The following CDAN1 variants were observed in gnomAD, a reference collection of about 807,000 sequenced individuals.
CDAN1 encodes codanin-1.
CDAN1 carries 107 observed loss-of-function variants against 139.8 expected under a neutral mutation model. The ratio of observed to expected loss-of-function variants is 0.77; its 90% CI spans 0.65 to 0.90. The LOEUF (loss-of-function observed/expected upper bound fraction) is 0.90, where lower values mean the gene tolerates loss of function less well. CDAN1 is among the 40% of genes least tolerant of loss of function. The probability of loss-of-function intolerance (pLI) is 0.00; values close to 1 mark genes in which losing one functional copy is unlikely to be tolerated. For synonymous variants in CDAN1, 776 were observed against 660.6 expected (o/e 1.17, Z -2.68); for missense variants, 1,667 against 1,575.7 (o/e 1.06, Z -0.98).
intron 6 of CDAN1, among the ~76,000 whole-genome samples, 169 bp downstream of exon 6, chr15:42,734,930 CT>C (rs2061667872): frequency 6.6e-6 from 1 of 152,008 alleles, no homozygotes; most frequent in African/African-American, 2.4e-5. Context: ...GATCTCAATT[CT>C]TTCAGGGACT....
At position 42,725,677 on chromosome 15, in the gene CDAN1, A is replaced by T. The variant is rs748488385; in HGVS notation, c.3269-7T>A. ...ATAGGAATTTGATCTGCAACTGTGG[A>T]AAGAGGAAAGCCAAGCTTTAAAAGA... On this transcript the variant is annotated splice_polypyrimidine_tract_variant and splice_region_variant and intron_variant, in intron 25 of 27. Coordinates refer to ENST00000356231, the MANE Select transcript of CDAN1 (RefSeq NM_138477.4). 2 of 1,613,930 alleles carry T rather than the reference A, an allele frequency of 1.2e-6. No individual in the cohort carries two copies. The highest frequency in any genetic ancestry group is 8.5e-7 in the Non-Finnish European group (1 of 1,179,950).
Position 42,735,137 on chromosome 15 carries a change from C to T in CDAN1, c.1099G>A (p.Val367Ile). ...SPLFQSIHDCVFFAVQVLECH... is the reference protein window; with the variant it reads ...SPLFQSIHDCIFFAVQVLECH... ...TCCAAAACCTGCACTGCAAAGAAGA[C>T]ACAATCGTGGATGCTTTGGAACAGT... The change falls in exon 6 of 28, where the codon GTC (valine) becomes ATC (isoleucine). Residue 367 changes from valine (V) to isoleucine (I), a missense_variant. Transcript: ENST00000356231. 6.2e-7 allele frequency: 1 copy of T among 1,614,026 alleles called. No individual in the cohort carries two copies. Among genetic ancestry groups the T allele is most frequent in the Middle Eastern group, 1.6e-4 (1 of 6,062 alleles).
chr15:42,736,586 C>T lies in CDAN1; in HGVS notation c.285G>A (p.Gly95=). ...TCGGAGGGAAAAGCTGGCTGCGCGCCCCGCGGCTACCCCGCGGCGGGCCTC... is the reference window on the plus strand; with the variant it reads ...TCGGAGGGAAAAGCTGGCTGCGCGCTCCGCGGCTACCCCGCGGCGGGCCTC... ...RPGGPPRGSR[G]ARSQLFPPTE... Residue 95 remains glycine, a synonymous_variant, in exon 2 of 28, where the codon GGG becomes GGA. Transcript: ENST00000356231. 6.7e-7 allele frequency: 1 copy of T among 1,492,618 alleles called. No homozygotes were observed. Among genetic ancestry groups the T allele is most frequent in the Non-Finnish European group, 8.9e-7 (1 of 1,122,412 alleles). The allele number at this position is 1,492,618 out of a possible 1,614,324, so 92.5% of individuals were successfully genotyped here. A position where few individuals can be genotyped will look rare whatever the true frequency, so the allele number is the denominator to read the frequency against.
chr15:42,726,686 G>T, intron 23 of CDAN1: 1 of 546,660 alleles, frequency 1.8e-6, no homozygotes, highest in Non-Finnish European at 3.3e-6. Context: ...CTCAACTTGG[G>T]ACCAAACTGT....
intron 1 of CDAN1, 103 bp from the exon 2 acceptor site, chr15:42,736,883 A>G (rs1377178130): frequency 8.3e-6 from 12 of 1,449,810 alleles, no homozygotes; most frequent in Non-Finnish European, 1.1e-5. Flanking sequence ...CGGCCCGGGC[A>G]GCGGCGCCCA....
intron 8 of CDAN1, 151 bp from the exon 9 acceptor site, chr15:42,733,337 C>A (rs373893625): frequency 1.8e-5 from 13 of 715,708 alleles, no homozygotes; most frequent in Non-Finnish European, 3.3e-5. Context: ...TGCAATGACG[C>A]GATCTCAGCT....
intron 27 of CDAN1, 98 bp downstream of exon 27, chr15:42,725,046 A>G (rs891679810): frequency 9.9e-7 from 1 of 1,009,870 alleles, no homozygotes; most frequent in African/African-American, 1.6e-5. Context: ...TCTTGACAAA[A>G]ATCCACTTAG....
At position 42,737,107 on chromosome 15, in the gene CDAN1, G is replaced by C. The variant is rs2140517569; in HGVS notation, c.-5C>G. On this transcript the variant is annotated 5_prime_UTR_variant, in exon 1 of 28. Transcript: ENST00000356231. ...CGACTCCAAAACGGCCGCCATCCCG[G>C]TCGGGGCGCTCTGGGGCGACTGCGC... is the stretch of plus-strand genomic sequence containing the variant. 1.3e-6 allele frequency: 2 copies of C among 1,510,446 alleles called. No homozygotes were observed. Among genetic ancestry groups the C allele is most frequent in the East Asian group, 2.7e-5 (1 of 37,148 alleles). The allele number at this position is 1,510,446 out of a possible 1,614,324, so 93.6% of individuals were successfully genotyped here.
chr15:42,727,494 G>C, intron 23 of CDAN1, 127 bp downstream of exon 23: 1 of 846,890 alleles, frequency 1.2e-6, no homozygotes, highest in East Asian at 2.7e-5. Flanking sequence ...GAGTGAAACG[G>C]GGACTAGCTG....
intron 14 of CDAN1, 125 bp downstream of exon 14, chr15:42,730,473 G>T: frequency 8.6e-7 from 1 of 1,169,430 alleles, no homozygotes; most frequent in Non-Finnish European, 1.3e-6. Flanking sequence ...CTCTCCCAGG[G>T]CTCAGTTATG....
In CDAN1 at chr15:42,737,046, C is replaced by T; in HGVS notation, c.57G>A (p.Val19=). ...CCTGGGTGCTGCGCGCGATCCACCG[C>T]ACGACGGCTGCGACCGACACCTCTT... The part of the protein sequence containing the change: ...LREEVSVAAV[V]RWIARSTQGS... Residue 19 remains valine (V), a synonymous_variant, in exon 1 of 28, where the codon GTG becomes GTA. Coordinates refer to ENST00000356231, the MANE Select transcript of CDAN1 (RefSeq NM_138477.4). 6.5e-7 allele frequency: 1 copy of T among 1,548,102 alleles called. No individual in the cohort carries two copies. Among genetic ancestry groups the T allele is most frequent in the South Asian group, 1.2e-5 (1 of 83,422 alleles).
chr15:42,727,568 CAGAGCAGGGGGGTG>C, intron 23 of CDAN1, 39 bp downstream of exon 23: 3 of 1,452,432 alleles, frequency 2.1e-6, no homozygotes, highest in Admixed American at 2.7e-5. Context: ...AAACCAGGAA[CAGAGCAGGGGGGTG>C]GGAGCAGGGA....
intron 20 of CDAN1, 111 bp downstream of exon 20, chr15:42,728,541 A>G (rs1171969068): frequency 6.8e-7 from 1 of 1,471,066 alleles, no homozygotes. Context: ...CAGGGAGAAG[A>G]AAAAAGGAGG....
At chr15:42,735,708 T>A in intron 3 of CDAN1, 29 bp from the exon 4 acceptor site, 1 of 1,612,214 alleles carries the variant, frequency 6.2e-7, no homozygotes. Context: ...TCATGAGCAG[T>A]CAGCTTGGCT....
At position 42,724,598 on chromosome 15, in the gene CDAN1, C is replaced by T. The variant is rs1566977709; in HGVS notation, c.3577G>A (p.Ala1193Thr). The change falls in exon 28 of 28, where the codon GCA becomes ACA. Residue 1193 changes from alanine to threonine, a missense_variant. Around this residue, in one of 3 missense-constraint regions of CDAN1, gnomAD observed 936 missense variants for 844.1 expected, o/e 1.11. Transcript: ENST00000356231. ...GCTAGAAACAGATTAGACAGTGTTGCTAATTCTTCAGCAAAGTCCTGGAAT... is the reference window on the plus strand; with the variant it reads ...GCTAGAAACAGATTAGACAGTGTTGTTAATTCTTCAGCAAAGTCCTGGAAT... The part of the protein sequence containing the change: ...QWPGDFAEEL[A>T]TLSNLFLAEP... The T allele has an allele frequency of 2.6e-6, 4 of 1,552,220 alleles. No homozygotes were observed. Among genetic ancestry groups the T allele is most frequent in the East Asian group, 4.9e-5 (2 of 40,932 alleles).
chr15:42,725,720 C>T (rs776450878), intron 25 of CDAN1, 50 bp from the exon 26 acceptor site: 18 of 1,584,828 alleles, frequency 1.1e-5, no homozygotes, highest in Admixed American at 5.1e-5. Context: ...AGGCCGGGTG[C>T]GGTGACTCAC....
Position 42,735,297 on chromosome 15 carries a change from T to C in CDAN1, c.1021A>G (p.Lys341Glu), listed in dbSNP as rs765478406. The change falls in exon 5 of 28, where the codon AAG becomes GAG. Residue 341 changes from lysine to glutamate, a missense_variant. Coordinates refer to ENST00000356231, the MANE Select transcript of CDAN1 (RefSeq NM_138477.4). The stretch of plus-strand genomic sequence containing the variant: ...GGACTTAGTTCAGGGTCGCTGTCCT[T>C]GGCAGTCACCATCCTCCGGGCAGTG... ...LLTARRMVTA[K>E]DSDPELSPAV... 1.9e-6 allele frequency: 3 copies of C among 1,610,040 alleles called. No individual in the cohort carries two copies. Among genetic ancestry groups the C allele is most frequent in the Admixed American group, 3.4e-5 (2 of 59,434 alleles).
rs1257972668 is a variant in CDAN1, at chr15:42,736,598, C to T, written c.273G>A (p.Arg91=). The change falls in exon 2 of 28, where the codon CGG becomes CGA. Residue 91 remains arginine (R), a synonymous_variant. Transcript: ENST00000356231. The part of the protein sequence containing the change: ...ALPGRPGGPP[R]GSRGARSQLF... Reference sequence around the variant, plus strand: ...GCTGGCTGCGCGCCCCGCGGCTACCCCGCGGCGGGCCTCCCGGCCTCCCTG... The same window carrying T: ...GCTGGCTGCGCGCCCCGCGGCTACCTCGCGGCGGGCCTCCCGGCCTCCCTG... The T allele has an allele frequency of 1.3e-6, 2 of 1,502,326 alleles. No individual in the cohort carries two copies. Among genetic ancestry groups the T allele is most frequent in the South Asian group, 2.5e-5 (2 of 79,860 alleles). 93.1% of individuals were successfully genotyped at this position (1,502,326 alleles called of 1,614,324 possible).
chr15:42,731,222 C>T lies in CDAN1; in HGVS notation c.1849G>A (p.Val617Ile), dbSNP rs774552642. 7 of 1,614,238 alleles carry T rather than the reference C, an allele frequency of 4.3e-6. No homozygotes were observed. The Admixed American group carries it at 5.0e-5, about 12-fold the overall frequency. Residue 617 changes from valine (V) to isoleucine (I), a missense_variant, in exon 12 of 28, where the codon GTA (valine) becomes ATA (isoleucine). By Grantham distance (29) the Val-to-Ile change is conservative (BLOSUM62 3). Around this residue, in one of 3 missense-constraint regions of CDAN1, gnomAD observed 936 missense variants for 844.1 expected, o/e 1.11. Coordinates refer to ENST00000356231, the MANE Select transcript of CDAN1 (RefSeq NM_138477.4). ...TTCTGTTTTCGGACCTGCCAGTCTACGTCTGACTCCCCGTCTTCATCATTG... is the reference window on the plus strand; with the variant it reads ...TTCTGTTTTCGGACCTGCCAGTCTATGTCTGACTCCCCGTCTTCATCATTG... The part of the protein sequence containing the change: ...EPNDEDGESD[V>I]DWQGERKQFA...
Sources: gnomAD v4.1 joint callset for allele counts (sites outside exome capture counted in the v4.1 genomes callset) on GRCh38, gnomAD v4.1.1 for gene constraint, gnomAD v4.1.1 regional missense constraint, MANE v1.5 for transcripts, NCBI Gene and HGNC (gene_info 2026-07-23, HGNC 2026-07-21) for gene names.